Variants in UIMC1 observed in about 807,000 individuals in gnomAD.
UIMC1 encodes the protein ubiquitin interaction motif containing 1.
Under a neutral mutation model 84.9 loss-of-function variants are expected in UIMC1, and 42 were observed. The ratio of observed to expected loss-of-function variants is 0.49; its 90% CI spans 0.39 to 0.64. The LOEUF is 0.64. Ranked by LOEUF, UIMC1 falls within the 30% of genes least tolerant of loss-of-function variation. UIMC1 has a pLI of 0.00. For missense variants in UIMC1, 825 were observed against 847.6 expected (o/e 0.97, Z 0.33); for synonymous variants, 281 against 293.0 (o/e 0.96, Z 0.42).
chr5:177,001,767 G>A (rs1380255131), intron 1 of UIMC1, among the ~76,000 whole-genome samples: 4 of 149,328 alleles, frequency 2.7e-5, no homozygotes, highest in African/African-American at 4.9e-5. Flanking sequence ...GTGAAAACCC[G>A]GCTCTACTAA....
Position 176,951,577 on chromosome 5 carries a change from T to C in UIMC1, c.1340A>G (p.Glu447Gly). ...AGTTTCAGAGGAACTTAGCTGGGTC[T>C]CTGTAATTTAAAAAAGTTAAAATCC... ...SSAEEITVCP[E>G]TQLSSSETFD... Residue 447 changes from glutamate to glycine, a missense_variant and splice_region_variant, in exon 9 of 15, where the codon GAG becomes GGG. Coordinates refer to ENST00000511320, the MANE Select transcript of UIMC1 (RefSeq NM_001199298.2). The C allele has an allele frequency of 3.2e-6, 5 of 1,556,816 alleles. No individual in the cohort carries two copies. Among genetic ancestry groups the C allele is most frequent in the Non-Finnish European group, 4.3e-6 (5 of 1,158,860 alleles).
At chr5:176,911,662 G>T (rs180712920) in intron 10 of UIMC1, among the ~76,000 whole-genome samples, 71 of 152,228 alleles carry the variant, frequency 4.7e-4, no homozygotes, top group Admixed American at 6.5e-4. Flanking sequence ...ACCAAGAAAA[G>T]GTTTTTGTGT....
At chr5:176,988,103 G>C (rs544173217) in intron 1 of UIMC1, among the ~76,000 whole-genome samples, 1 of 135,860 alleles carries the variant, frequency 7.4e-6, no homozygotes, top group East Asian at 2.1e-4. Flanking sequence ...CAGCACTCCA[G>C]CCTGGGTGAC....
chr5:176,964,400 T>A (rs1561837301), intron 6 of UIMC1, among the ~76,000 whole-genome samples: 1 of 152,216 alleles, frequency 6.6e-6, no homozygotes, highest in Non-Finnish European at 1.5e-5. Flanking sequence ...TGACAAGCAA[T>A]TTGGCAATAA....
At chr5:176,958,250 CAACAATT>C in intron 6 of UIMC1, 96 bp from the exon 7 acceptor site, 1 of 925,912 alleles carries the variant, frequency 1.1e-6, no homozygotes, top group Non-Finnish European at 1.6e-6. Flanking sequence ...TGTTCTCCCT[CAACAATT>C]AACAATAAGA....
intron 6 of UIMC1, among the ~76,000 whole-genome samples, chr5:176,964,036 G>A (rs1273841383): frequency 1.3e-5 from 2 of 152,092 alleles, no homozygotes; most frequent in Non-Finnish European, 2.9e-5. Flanking sequence ...TGATTCTAAA[G>A]CTTTAATAAC....
intron 9 of UIMC1, among the ~76,000 whole-genome samples, chr5:176,949,841 G>A (rs1231706098): frequency 1.3e-5 from 2 of 152,060 alleles, no homozygotes; most frequent in African/African-American, 4.8e-5. Context: ...GATCACCTGA[G>A]GTCAGGAGTT....
chr5:176,961,962 C>T (rs1197275948), intron 6 of UIMC1, among the ~76,000 whole-genome samples: 3 of 70,104 alleles, frequency 4.3e-5, no homozygotes, highest in Admixed American at 1.1e-4. Context: ...GCCCCCCGCC[C>T]GGCCAGCCGC....
chr5:176,976,011 A>G lies in UIMC1; in HGVS notation c.148-531T>C, dbSNP rs186023790. ...AACAAAAAATAAAATAGAGAAAGAA[A>G]TAAAAGGCCAAGCACAGTGGCTCAT... is the stretch of plus-strand genomic sequence containing the variant. On this transcript the variant is annotated intron_variant, in intron 2 of 14. Transcript: ENST00000511320. Among the ~76,000 whole-genome samples, 409 of 152,194 alleles carry G rather than the reference A, an allele frequency of 2.7e-3. 1 individual carries two copies. The highest frequency in any genetic ancestry group is 9.6e-3 in the African/African-American group (399 of 41,524).
At position 176,906,061 on chromosome 5, in the gene UIMC1, GA is replaced by G. The variant is rs765717610; in HGVS notation, c.1913-15del. The G allele has an allele frequency of 2.7e-5, 44 of 1,612,822 alleles. No individual in the cohort carries two copies. The South Asian group carries it at 4.8e-4, about 18-fold the overall frequency. The stretch of plus-strand genomic sequence containing the variant: ...TGATGTCTGCATCTGTGATATAAAA[GA>G]AAAAATAATAATGTTGGTAGTAGTG... On this transcript the variant is annotated splice_polypyrimidine_tract_variant and intron_variant, in intron 13 of 14. Coordinates refer to ENST00000511320, the MANE Select transcript of UIMC1 (RefSeq NM_001199298.2).
chr5:177,014,373 T>C lies in UIMC1; in HGVS notation c.-9+8091A>G, dbSNP rs542622545. 2.6e-5 allele frequency among the ~76,000 whole-genome samples: 4 copies of C among 152,206 alleles called. No individual in the cohort carries two copies. In the South Asian group the frequency reaches 8.3e-4, roughly 32 times the overall value. Reference sequence around the variant, plus strand: ...CCAGCTGCAGTGAGCCACTTTTATATGGAATTTGGAAACACTTCTGAAATC... The same window carrying C: ...CCAGCTGCAGTGAGCCACTTTTATACGGAATTTGGAAACACTTCTGAAATC... On this transcript the variant is annotated intron_variant, in intron 1 of 5. Coordinates refer to the UIMC1 transcript ENST00000509236.
At chr5:176,939,162 T>C (rs746568559) in intron 10 of UIMC1, among the ~76,000 whole-genome samples, 6 of 150,006 alleles carry the variant, frequency 4.0e-5, no homozygotes, top group South Asian at 2.1e-4. Context: ...GAGGCTGAGG[T>C]TGGAGAATCA....
intron 10 of UIMC1, among the ~76,000 whole-genome samples, chr5:176,925,328 A>T (rs1762262708): frequency 6.6e-6 from 1 of 152,240 alleles, no homozygotes; most frequent in Non-Finnish European, 1.5e-5. Context: ...AAGGGGATAA[A>T]ACAGTATCAA....
chr5:176,912,208 A>T (rs2940521), intron 10 of UIMC1, among the ~76,000 whole-genome samples: 1 of 151,960 alleles, frequency 6.6e-6, no homozygotes, highest in Non-Finnish European at 1.5e-5. Context: ...GTGGAGACAG[A>T]GAGTAAATAT....
intron 9 of UIMC1, 78 bp downstream of exon 9, chr5:176,951,396 C>A: frequency 8.9e-7 from 1 of 1,124,176 alleles, no homozygotes; most frequent in South Asian, 2.4e-5. Flanking sequence ...TCTTTTCAGC[C>A]AATGTCAACG....
intron 1 of UIMC1, among the ~76,000 whole-genome samples, chr5:176,989,211 G>A (rs1382266185): frequency 6.6e-6 from 1 of 151,868 alleles, no homozygotes; most frequent in Non-Finnish European, 1.5e-5. Context: ...AACACTTAAA[G>A]GATTAAAAAA....
chr5:176,958,943 T>C (rs1165023425), intron 6 of UIMC1, among the ~76,000 whole-genome samples: 4 of 152,244 alleles, frequency 2.6e-5, no homozygotes, highest in Non-Finnish European at 4.4e-5. Context: ...GTGAGGCTTC[T>C]TCCACTAGAC....
At chr5:176,955,869 G>T in intron 8 of UIMC1, 90 bp downstream of exon 8, 1 of 1,204,732 alleles carries the variant, frequency 8.3e-7, no homozygotes, top group Non-Finnish European at 1.2e-6. Context: ...AACCTCCAGA[G>T]AGTAGGTTTG....
At chr5:176,947,382 C>CATGT (rs1269236469) in intron 9 of UIMC1, among the ~76,000 whole-genome samples, 1 of 152,082 alleles carries the variant, frequency 6.6e-6, no homozygotes, top group Non-Finnish European at 1.5e-5. Flanking sequence ...TTCTAGGGTA[C>CATGT]ATGTGCACAA....
Sources: allele counts gnomAD v4.1 joint callset (sites outside exome capture counted in the v4.1 genomes callset), GRCh38; gene constraint gnomAD v4.1.1; transcripts MANE v1.5; gene names NCBI Gene and HGNC (gene_info 2026-07-23, HGNC 2026-07-21).